The following CALN1 variants were observed in gnomAD, a reference collection of about 807,000 sequenced individuals.
CALN1 encodes the protein calcium-binding protein 8.
A neutral mutation model predicts 30.6 loss-of-function variants in CALN1; 17 were observed. The observed-to-expected ratio is 0.56, with a 90% CI of 0.38 to 0.83. The LOEUF is 0.83. Ranked by LOEUF, CALN1 falls within the 40% of genes least tolerant of loss-of-function variation. CALN1 has a pLI of 0.00. For synonymous variants in CALN1, 156 were observed against 131.4 expected (o/e 1.19, Z -1.28); for missense variants, 291 against 354.9 (o/e 0.82, Z 1.45).
chr7:72,322,584 C>T (rs1800961873), intron 2 of CALN1, among the ~76,000 whole-genome samples: 1 of 151,964 alleles, frequency 6.6e-6, no homozygotes, highest in South Asian at 2.1e-4. Context: ...TGCATGTTCC[C>T]ACCTATTTGT....
intron 3 of CALN1, among the ~76,000 whole-genome samples, chr7:72,163,392 T>TAAAAAAAAAAAAA (rs55881217): frequency 1.3e-5 from 1 of 79,306 alleles, no homozygotes; most frequent in African/African-American, 5.9e-5. Context: ...TATTGGAGAT[T>TAAAAAAAAAAAAA]AAAAAAAAAA....
chr7:72,465,003 T>A, the CALN1 span, among the ~76,000 whole-genome samples: 5 of 152,066 alleles, frequency 3.3e-5, no homozygotes, highest in Non-Finnish European at 7.4e-5. Flanking sequence ...AGCCTCAGGG[T>A]CCCAGAGGAA....
chr7:72,356,922 G>T (rs9638652), intron 2 of CALN1, among the ~76,000 whole-genome samples: 55,744 of 151,678 alleles, frequency 0.37, 11,143 homozygotes, highest in Admixed American at 0.45. Flanking sequence ...CGTATGTCTT[G>T]CTCTAAAACC....
intron 2 of CALN1, among the ~76,000 whole-genome samples, chr7:72,330,395 T>A (rs1174374916): frequency 7.4e-6 from 1 of 135,594 alleles, no homozygotes; most frequent in Non-Finnish European, 1.5e-5. Flanking sequence ...TTGAATCCAG[T>A]AAGCAGAGGC....
At position 71,857,541 on chromosome 7, in the gene CALN1, T is replaced by C. The variant is rs560841799; in HGVS notation, c.502-47049A>G. ...ATCAGGGGAGATTTACCCACATCCA[T>C]CCTTCATCCTGTCTCCAGACAACTG... On this transcript the variant is annotated intron_variant, in intron 5 of 6. Coordinates refer to ENST00000395275, the MANE Select transcript of CALN1 (RefSeq NM_031468.4). Among the ~76,000 whole-genome samples, 3 of 152,188 alleles carry C rather than the reference T, an allele frequency of 2.0e-5. No individual in the cohort carries two copies. The South Asian group carries it at 6.2e-4, about 32-fold the overall frequency.
At chr7:72,222,687 ACAAT>A (rs1384913897) in intron 3 of CALN1, among the ~76,000 whole-genome samples, 1 of 152,130 alleles carries the variant, frequency 6.6e-6, no homozygotes, top group Non-Finnish European at 1.5e-5. Flanking sequence ...CTTGCTTGAC[ACAAT>A]CAGAGACCCC....
chr7:72,188,040 C>G (rs891429889), intron 3 of CALN1, among the ~76,000 whole-genome samples: 1 of 152,098 alleles, frequency 6.6e-6, no homozygotes, highest in East Asian at 1.9e-4. Context: ...TAAACTAGGA[C>G]GGCCACTATG....
At chr7:72,295,310 CAA>C (rs1798774801) in intron 2 of CALN1, among the ~76,000 whole-genome samples, 1 of 151,910 alleles carries the variant, frequency 6.6e-6, no homozygotes, top group Non-Finnish European at 1.5e-5. Context: ...TTAAAAATAA[CAA>C]AAACAATACT....
chr7:72,162,930 A>G (rs944277158), intron 3 of CALN1, among the ~76,000 whole-genome samples: 10 of 152,198 alleles, frequency 6.6e-5, no homozygotes, highest in Admixed American at 2.6e-4. Context: ...AATATTCCAG[A>G]AAGGAGAGAG....
At chr7:71,973,719 G>A (rs1160654312) in intron 5 of CALN1, among the ~76,000 whole-genome samples, 1 of 152,104 alleles carries the variant, frequency 6.6e-6, no homozygotes, top group East Asian at 1.9e-4. Context: ...ATGAGGGGAG[G>A]GCCTAAGTCT....
chr7:72,487,955 AAAGG>A, the CALN1 span, among the ~76,000 whole-genome samples: 824 of 54,408 alleles, frequency 0.015, 68 homozygotes, highest in African/African-American at 0.061. Flanking sequence ...GGAAGGAAGG[AAAGG>A]AAGGAAGGAA....
chr7:72,298,803 TAA>T lies in CALN1; in HGVS notation c.120-19995_120-19994del, dbSNP rs56933201. Among the ~76,000 whole-genome samples, 705 of 140,356 alleles carry T rather than the reference TAA, an allele frequency of 5.0e-3. 1 individual carries two copies. Among genetic ancestry groups the T allele is most frequent in the Non-Finnish European group, 7.0e-3 (458 of 65,358 alleles). 92.1% of individuals were successfully genotyped at this position (140,356 alleles called of 152,430 possible). ...TGAGTCTCAAGAGATCTGATGGTTT[TAA>T]AAAAAAAAAAAAAGAGGGGAGGGGT... On this transcript the variant is annotated intron_variant, in intron 2 of 6. Transcript: ENST00000395275.
intron 5 of CALN1, among the ~76,000 whole-genome samples, chr7:72,006,189 A>G (rs1395822602): frequency 6.6e-6 from 1 of 152,224 alleles, no homozygotes; most frequent in Non-Finnish European, 1.5e-5. Context: ...TAAATGGGGA[A>G]AGTAAATATA....
chr7:72,020,661 C>T (rs540168774), intron 5 of CALN1, among the ~76,000 whole-genome samples: 1 of 152,252 alleles, frequency 6.6e-6, no homozygotes, highest in Non-Finnish European at 1.5e-5. Flanking sequence ...TGGAATTTTC[C>T]CTCCTTTCTC....
intron 4 of CALN1, among the ~76,000 whole-genome samples, chr7:72,094,299 G>C (rs1033574087): frequency 3.9e-5 from 6 of 152,196 alleles, no homozygotes; most frequent in Admixed American, 1.3e-4. Flanking sequence ...TTGTTGCCCA[G>C]GTGGGAGTGC....
chr7:72,089,921 T>C (rs1461012264), intron 4 of CALN1, among the ~76,000 whole-genome samples: 5 of 152,232 alleles, frequency 3.3e-5, no homozygotes, highest in Admixed American at 6.5e-5. Flanking sequence ...CCTTGTAGCA[T>C]AGAGCCAGTA....
At chr7:72,074,235 A>T (rs1226937434) in intron 4 of CALN1, among the ~76,000 whole-genome samples, 2 of 152,214 alleles carry the variant, frequency 1.3e-5, no homozygotes, top group Non-Finnish European at 2.9e-5. Flanking sequence ...TTTTGGGTTC[A>T]GAGAAGAAAA....
chr7:72,372,029 A>G (rs1040839212), intron 2 of CALN1, among the ~76,000 whole-genome samples: 6 of 152,186 alleles, frequency 3.9e-5, no homozygotes, highest in East Asian at 1.9e-4. Flanking sequence ...ATTGAATTCA[A>G]TATCGCCTGA....
chr7:72,404,711 G>C (rs1351548136), intron 1 of CALN1, among the ~76,000 whole-genome samples: 1 of 152,184 alleles, frequency 6.6e-6, no homozygotes, highest in Non-Finnish European at 1.5e-5. Context: ...TCATGCCTGG[G>C]AAGTGGTCTC....
Sources: gnomAD v4.1 joint callset for allele counts (sites outside exome capture counted in the v4.1 genomes callset) on GRCh38, gnomAD v4.1.1 for gene constraint, MANE v1.5 for transcripts, NCBI Gene and HGNC (gene_info 2026-07-23, HGNC 2026-07-21) for gene names.